PARP8: variants seen among roughly 807,000 people sequenced by gnomAD.
PARP8 encodes the protein protein mono-ADP-ribosyltransferase PARP8.
A neutral mutation model predicts 124.1 loss-of-function variants in PARP8; 51 were observed. That is an observed-to-expected ratio of 0.41 (90% confidence interval 0.33 to 0.52). The LOEUF (loss-of-function observed/expected upper bound fraction) is 0.52. Among genes scored for constraint, PARP8 ranks in the 20% least tolerant of loss-of-function variants. PARP8 has a pLI of 0.21. For synonymous variants in PARP8, 391 were observed against 361.5 expected, an observed-to-expected ratio of 1.08 and a Z score of -0.93; for missense variants, 860 against 1,018.9, an observed-to-expected ratio of 0.84 and a Z score of 2.12.
At chr5:50,725,880 T>TACTG (rs777244299) in intron 2 of PARP8, among the ~76,000 whole-genome samples, 4 of 152,174 alleles carry the variant, frequency 2.6e-5, no homozygotes, top group East Asian at 3.9e-4. Flanking sequence ...TTGTAAGCAA[T>TACTG]ACTGCTTAGA....
At chr5:50,840,336 T>C (rs1748047497) in intron 25 of PARP8, among the ~76,000 whole-genome samples, 1 of 151,746 alleles carries the variant, frequency 6.6e-6, no homozygotes, top group South Asian at 2.1e-4. Context: ...TGAATGACAA[T>C]GGAGGCCTAA....
In PARP8 at chr5:50,811,599, T is replaced by A. The variant is rs185497481; in HGVS notation, c.1576-3833T>A. 8.5e-5 allele frequency among the ~76,000 whole-genome samples: 13 copies of A among 152,288 alleles called. No individual in the cohort carries two copies. In the East Asian group the frequency reaches 2.3e-3, roughly 27 times the overall value. On this transcript the variant is annotated intron_variant, in intron 14 of 25. Coordinates refer to ENST00000281631, the MANE Select transcript of PARP8 (RefSeq NM_024615.4). ...TTCATTTTATTTCCATTGGGTGTTT[T>A]TTTTTTATTCTTTAAGTTCTAGAGT...
At chr5:50,804,302 C>T (rs747063624) in intron 14 of PARP8, among the ~76,000 whole-genome samples, 1 of 152,148 alleles carries the variant, frequency 6.6e-6, no homozygotes, top group Non-Finnish European at 1.5e-5. Flanking sequence ...AGCGTGTCTT[C>T]CAGAGAACTA....
chr5:50,793,724 A>G (rs1425429799), intron 10 of PARP8, among the ~76,000 whole-genome samples: 3 of 152,186 alleles, frequency 2.0e-5, no homozygotes, highest in African/African-American at 7.2e-5. Flanking sequence ...CTTTTCATGA[A>G]GAAGATATCG....
chr5:50,822,522 G>A (rs976650143), intron 17 of PARP8, 122 bp downstream of exon 17: 2 of 713,746 alleles, frequency 2.8e-6, no homozygotes, highest in African/African-American at 1.8e-5. Flanking sequence ...GTATTAAGAT[G>A]TTTTAATTAA....
chr5:50,768,989 A>C (rs1761327687), intron 7 of PARP8, among the ~76,000 whole-genome samples: 1 of 152,242 alleles, frequency 6.6e-6, no homozygotes, highest in Non-Finnish European at 1.5e-5. Context: ...AGTTAATTGC[A>C]AACCTTTAGG....
intron 2 of PARP8, among the ~76,000 whole-genome samples, chr5:50,670,666 T>A (rs1156760126): frequency 6.6e-6 from 1 of 152,216 alleles, no homozygotes. Context: ...AATTATATCC[T>A]TGCTTTTGGA....
chr5:50,759,795 T>C, intron 4 of PARP8, 63 bp downstream of exon 4: 1 of 1,469,900 alleles, frequency 6.8e-7, no homozygotes, highest in Non-Finnish European at 9.0e-7. Flanking sequence ...TTTTTTTGTT[T>C]GTTTGTTTGT....
rs1270961931 is a variant in PARP8 at position 50,704,284 on chromosome 5, A to G, written c.146+36159A>G. ...TCACAATTTTCCTTGGTATATGTAG[A>G]TCCTGGTCACCAATCTGACAGTCAA... On this transcript the variant is annotated intron_variant, in intron 2 of 25. Coordinates refer to ENST00000281631, the MANE Select transcript of PARP8 (RefSeq NM_024615.4). Among the ~76,000 whole-genome samples the G allele has an allele frequency of 5.9e-5, 9 of 152,204 alleles. 1 individual carries two copies. Among genetic ancestry groups the G allele is most frequent in the Middle Eastern group, 6.8e-3 (2 of 294 alleles).
rs944768009 is a variant in PARP8, at chr5:50,844,558, T to C, written c.*2490T>C. The C allele has an allele frequency of 4.0e-5, 6 of 151,794 alleles. No homozygotes were observed. Among genetic ancestry groups the C allele is most frequent in the African/African-American group, 1.4e-4 (6 of 41,408 alleles). 9.4% of individuals were successfully genotyped at this position (151,794 alleles called of 1,614,324 possible). A position where few individuals can be genotyped will look rare whatever the true frequency, so the allele number is the denominator to read the frequency against. On this transcript the variant is annotated 3_prime_UTR_variant, in exon 26 of 26. Coordinates refer to ENST00000281631, the MANE Select transcript of PARP8 (RefSeq NM_024615.4). Reference sequence around the variant, plus strand: ...CATTAAAATATTATCTATTCACTTATTTGATGATTCCAAACATTTGATATT... The same window carrying C: ...CATTAAAATATTATCTATTCACTTACTTGATGATTCCAAACATTTGATATT...
intron 10 of PARP8, among the ~76,000 whole-genome samples, chr5:50,790,116 A>G (rs148290833): frequency 6.6e-6 from 1 of 152,328 alleles, no homozygotes; most frequent in Non-Finnish European, 1.5e-5. Context: ...AAACATTCTT[A>G]TAAATTCCCA....
chr5:50,829,478 A>G (rs949159664), intron 21 of PARP8, among the ~76,000 whole-genome samples: 1 of 152,208 alleles, frequency 6.6e-6, no homozygotes, highest in Non-Finnish European at 1.5e-5. Context: ...GAAAAATGTA[A>G]CAGGATAAGA....
intron 2 of PARP8, among the ~76,000 whole-genome samples, chr5:50,736,789 T>C (rs755983131): frequency 3.3e-5 from 5 of 152,138 alleles, no homozygotes; most frequent in Non-Finnish European, 5.9e-5. Flanking sequence ...ATTTCTCTCC[T>C]GTGATCATAA....
At chr5:50,775,163 G>A (rs1340235209) in intron 7 of PARP8, among the ~76,000 whole-genome samples, 11 of 152,282 alleles carry the variant, frequency 7.2e-5, no homozygotes, top group South Asian at 2.1e-4. Flanking sequence ...GGTGGCAGCC[G>A]GGCAGAGGCT....
chr5:50,673,899 T>C (rs1427521332), intron 2 of PARP8, among the ~76,000 whole-genome samples: 3 of 152,236 alleles, frequency 2.0e-5, no homozygotes, highest in Non-Finnish European at 4.4e-5. Context: ...AAAAATATTT[T>C]GTAATTATCT....
intron 2 of PARP8, among the ~76,000 whole-genome samples, chr5:50,739,732 A>ATTTT (rs1230937798): frequency 4.8e-4 from 21 of 44,184 alleles, no homozygotes; most frequent in Admixed American, 9.0e-4. Context: ...ATATATATAT[A>ATTTT]TTTTTTTTTT....
intron 2 of PARP8, among the ~76,000 whole-genome samples, chr5:50,684,024 T>A (rs2149449420): frequency 6.6e-6 from 1 of 152,330 alleles, no homozygotes; most frequent in Non-Finnish European, 1.5e-5. Flanking sequence ...GTACACAATT[T>A]CCTATGAGGC....
At chr5:50,840,285 T>C (rs1200095980) in intron 25 of PARP8, among the ~76,000 whole-genome samples, 2 of 151,920 alleles carry the variant, frequency 1.3e-5, no homozygotes, top group African/African-American at 4.8e-5. Flanking sequence ...AAAAACCCAC[T>C]AGTTATACAC....
intron 2 of PARP8, among the ~76,000 whole-genome samples, chr5:50,693,860 G>A (rs894789010): frequency 1.3e-5 from 2 of 151,162 alleles, no homozygotes; most frequent in African/African-American, 4.9e-5. Context: ...ATAATTATAA[G>A]CACCCAAAGA....
Sources: gnomAD v4.1 joint callset for allele counts (sites outside exome capture counted in the v4.1 genomes callset) on GRCh38, gnomAD v4.1.1 for gene constraint, MANE v1.5 for transcripts, NCBI Gene and HGNC (gene_info 2026-07-23, HGNC 2026-07-21) for gene names.